The following SAXO1 variants were observed in gnomAD, a reference collection of about 807,000 sequenced individuals.
SAXO1 encodes stabilizer of axonemal microtubules 1.
SAXO1 carries 21 observed loss-of-function variants against 17.5 expected under a neutral mutation model. The ratio of observed to expected loss-of-function variants is 1.20; its 90% CI spans 0.85 to 1.72. The LOEUF (loss-of-function observed/expected upper bound fraction) is 1.72. Ranked by LOEUF, SAXO1 falls within the 40% of genes most tolerant of loss-of-function variation. The probability of loss-of-function intolerance (pLI) is 0.00; values close to 1 mark genes in which losing one functional copy is unlikely to be tolerated. For missense variants in SAXO1, 843 were observed against 596.0 expected, an observed-to-expected ratio of 1.41 and a Z score of -4.32; for synonymous variants, 274 against 216.5, an observed-to-expected ratio of 1.27 and a Z score of -2.33.
chr9:19,002,859 C>G (rs376281785), intron 1 of SAXO1, among the ~76,000 whole-genome samples: 1 of 152,222 alleles, frequency 6.6e-6, no homozygotes, highest in East Asian at 1.9e-4. Context: ...TCTCTCACCA[C>G]TCCTATTCAG....
intron 1 of SAXO1, among the ~76,000 whole-genome samples, chr9:19,007,946 C>T (rs896440769): frequency 2.6e-5 from 4 of 151,230 alleles, no homozygotes; most frequent in Admixed American, 1.3e-4. Flanking sequence ...ATACAGTCTG[C>T]AAGTCCTCAA....
intron 1 of SAXO1, among the ~76,000 whole-genome samples, chr9:18,963,390 T>G (rs891870350): frequency 6.6e-6 from 1 of 152,234 alleles, no homozygotes; most frequent in Non-Finnish European, 1.5e-5. Context: ...TAAATTACTT[T>G]GGGCAGTATG....
chr9:19,007,272 G>A (rs545989586), intron 1 of SAXO1, among the ~76,000 whole-genome samples: 28 of 152,108 alleles, frequency 1.8e-4, no homozygotes, highest in African/African-American at 4.8e-4. Context: ...GCTTGAACCC[G>A]GGAGGCAGAG....
chr9:18,939,348 G>T (rs192659284), intron 3 of SAXO1, among the ~76,000 whole-genome samples: 1 of 152,334 alleles, frequency 6.6e-6, no homozygotes, highest in Admixed American at 6.5e-5. Context: ...ACTCCTGTGT[G>T]GTGCCTGCTG....
intron 1 of SAXO1, among the ~76,000 whole-genome samples, chr9:18,968,595 T>TGTG (rs1832823089): frequency 1.6e-5 from 1 of 61,616 alleles, no homozygotes; most frequent in African/African-American, 7.1e-5. Flanking sequence ...TGTCCCCCTT[T>TGTG]TTGTTTTTTT....
intron 1 of SAXO1, among the ~76,000 whole-genome samples, chr9:18,985,604 C>T (rs1302608920): frequency 6.6e-6 from 1 of 151,984 alleles, no homozygotes; most frequent in African/African-American, 2.4e-5. Context: ...GCAAAGCTGC[C>T]CAAGGATGGG....
At chr9:19,008,195 C>A (rs937369769) in intron 1 of SAXO1, among the ~76,000 whole-genome samples, 2 of 152,100 alleles carry the variant, frequency 1.3e-5, no homozygotes, top group Non-Finnish European at 2.9e-5. Flanking sequence ...GGCTGGTGAT[C>A]TTGAACTCCT....
At chr9:18,939,006 C>T (rs1366125558) in intron 3 of SAXO1, among the ~76,000 whole-genome samples, 1 of 151,790 alleles carries the variant, frequency 6.6e-6, no homozygotes, top group African/African-American at 2.4e-5. Flanking sequence ...GCACCTAGGG[C>T]AAGGTGGAAG....
chr9:18,993,687 G>T (rs1189604823), intron 1 of SAXO1, among the ~76,000 whole-genome samples: 2 of 152,156 alleles, frequency 1.3e-5, no homozygotes, highest in Admixed American at 6.5e-5. Flanking sequence ...GGGGGTATAA[G>T]GTAAGAATGT....
chr9:18,967,699 G>A (rs10963880), intron 1 of SAXO1, among the ~76,000 whole-genome samples: 8,435 of 152,200 alleles, frequency 0.055, 270 homozygotes, highest in African/African-American at 0.1. Context: ...GGGAGGATCC[G>A]CTGAGCAAGA....
intron 1 of SAXO1, among the ~76,000 whole-genome samples, chr9:18,952,312 T>G (rs10757008): frequency 6.6e-6 from 1 of 152,092 alleles, no homozygotes; most frequent in South Asian, 2.1e-4. Flanking sequence ...ATCACAGAAA[T>G]TAAAATGCAA....
intron 1 of SAXO1, among the ~76,000 whole-genome samples, chr9:18,966,998 G>T (rs1434841398): frequency 1.3e-5 from 2 of 152,172 alleles, no homozygotes; most frequent in African/African-American, 4.8e-5. Context: ...TAATAGTCAA[G>T]CCCCTCTTCT....
intron 1 of SAXO1, among the ~76,000 whole-genome samples, chr9:19,016,888 C>T (rs1020756875): frequency 2.7e-5 from 4 of 146,668 alleles, no homozygotes; most frequent in Non-Finnish European, 4.5e-5. Flanking sequence ...TTGTGGAAGG[C>T]AGTGCCCACC....
intron 1 of SAXO1, among the ~76,000 whole-genome samples, chr9:18,973,146 T>A (rs1407883522): frequency 6.6e-6 from 1 of 152,216 alleles, no homozygotes. Context: ...GAATCTGTTC[T>A]CAAAATGAGT....
chr9:18,986,044 C>G (rs1344435801), intron 1 of SAXO1, among the ~76,000 whole-genome samples: 1 of 152,220 alleles, frequency 6.6e-6, no homozygotes, highest in African/African-American at 2.4e-5. Context: ...ACTATCCTTT[C>G]TTCACACATG....
intron 1 of SAXO1, among the ~76,000 whole-genome samples, chr9:18,990,797 G>C (rs1267627027): frequency 1.3e-5 from 2 of 152,168 alleles, no homozygotes; most frequent in East Asian, 3.9e-4. Flanking sequence ...AGCGATCTAG[G>C]TTGTGTGCTC....
intron 1 of SAXO1, among the ~76,000 whole-genome samples, chr9:19,028,423 C>T (rs984971349): frequency 4.6e-5 from 7 of 152,098 alleles, no homozygotes; most frequent in African/African-American, 1.7e-4. Context: ...TTTTCAATAA[C>T]AGGAAATGCT....
At position 18,950,856 on chromosome 9, in the gene SAXO1, G is replaced by C. The variant is rs760904247; in HGVS notation, c.120C>G (p.Asn40Lys). ...GCAGGTAGGAGTGATAGAAAGGGTA[G>C]TTCTCGGTATATTCGGAGAGAAGAC... is the stretch of plus-strand genomic sequence containing the variant. ...KPCLLSEYTE[N>K]YPFYHSYLPR... Residue 40 changes from asparagine to lysine, a missense_variant, in exon 2 of 4, where the codon AAC (asparagine) becomes AAG (lysine). Coordinates refer to ENST00000380534, the MANE Select transcript of SAXO1 (RefSeq NM_153707.4). The C allele has an allele frequency of 1.2e-6, 2 of 1,613,760 alleles. No individual in the cohort carries two copies. Among genetic ancestry groups the C allele is most frequent in the African/African-American group, 1.3e-5 (1 of 74,904 alleles).
intron 1 of SAXO1, among the ~76,000 whole-genome samples, chr9:18,990,436 TGGC>T (rs1833769696): frequency 6.6e-6 from 1 of 152,194 alleles, no homozygotes; most frequent in Non-Finnish European, 1.5e-5. Context: ...CAGGACACCG[TGGC>T]TTATGCCTAT....
Sources: allele counts gnomAD v4.1 joint callset (sites outside exome capture counted in the v4.1 genomes callset), GRCh38; gene constraint gnomAD v4.1.1; transcripts MANE v1.5; gene names NCBI Gene and HGNC (gene_info 2026-07-23, HGNC 2026-07-21).